UGT1A6: variants seen among roughly 807,000 people sequenced by gnomAD.
UGT1A6 encodes the protein UDP-glucuronosyltransferase 1A6.
A neutral mutation model predicts 44.4 loss-of-function variants in UGT1A6; 32 were observed. The observed-to-expected ratio is 0.72, with a 90% CI of 0.54 to 0.97. UGT1A6 has a LOEUF of 0.97. Ranked by LOEUF, UGT1A6 falls within the 50% of genes least tolerant of loss-of-function variation. The pLI, the probability that UGT1A6 is intolerant of heterozygous loss-of-function variation, is 0.00. For missense variants in UGT1A6, 685 were observed against 661.9 expected (o/e 1.03, Z -0.38); for synonymous variants, 238 against 248.5 (o/e 0.96, Z 0.40).
chr2:233,753,085 C>T (rs1365560580), intron 1 of UGT1A6: 1 of 152,188 alleles, frequency 6.6e-6, no homozygotes, highest in Non-Finnish European at 1.5e-5. Flanking sequence ...CCTTTTATTC[C>T]TGAACGGCTC....
intron 1 of UGT1A6, among the ~76,000 whole-genome samples, chr2:233,731,276 TTTTC>T (rs980011036): frequency 8.2e-5 from 12 of 146,468 alleles, no homozygotes; most frequent in African/African-American, 2.6e-4. Flanking sequence ...CCCTTCCAGT[TTTTC>T]TTTCTTTTTT....
At chr2:233,726,039 A>T (rs544093615) in intron 1 of UGT1A6, among the ~76,000 whole-genome samples, 9 of 152,100 alleles carry the variant, frequency 5.9e-5, no homozygotes, top group Admixed American at 1.3e-4. Flanking sequence ...GATGGCGCAC[A>T]CCTGTGGTCC....
At chr2:233,752,028 A>G (rs754794292) in intron 1 of UGT1A6, among the ~76,000 whole-genome samples, 5 of 152,356 alleles carry the variant, frequency 3.3e-5, no homozygotes, top group South Asian at 4.1e-4. Context: ...AGAAATTCCT[A>G]GAAAGGTAAG....
chr2:233,713,083 T>C, intron 1 of UGT1A6: 1 of 1,614,162 alleles, frequency 6.2e-7, no homozygotes, highest in Non-Finnish European at 8.5e-7. Context: ...AGTGGGAAGG[T>C]GCTGGTGGTG....
chr2:233,724,954 C>G lies in UGT1A6; in HGVS notation c.861+31089C>G, dbSNP rs544768388. ...GACTCCGTCTGCAATCCCGGCACCT[C>G]GGGAGGCCGAGGTTGGCGGATCACT... On this transcript the variant is annotated intron_variant, in intron 1 of 4. Coordinates refer to ENST00000305139, the MANE Select transcript of UGT1A6 (RefSeq NM_001072.4). 1.4e-5 allele frequency among the ~76,000 whole-genome samples: 2 copies of G among 143,932 alleles called. 1 individual carries two copies. Among genetic ancestry groups the G allele is most frequent in the East Asian group, 4.2e-4 (2 of 4,760 alleles). 94.4% of individuals were successfully genotyped at this position (143,932 alleles called of 152,430 possible).
intron 1 of UGT1A6, among the ~76,000 whole-genome samples, chr2:233,762,717 GTTT>G (rs34681509): frequency 7.1e-6 from 1 of 141,162 alleles, no homozygotes. Context: ...ATTTTACACG[GTTT>G]TTTTTTTTTG....
chr2:233,754,469 T>C (rs1695491558), intron 1 of UGT1A6: 1 of 357,106 alleles, frequency 2.8e-6, no homozygotes, highest in Non-Finnish European at 5.5e-6. Flanking sequence ...GTTCTGAAAG[T>C]AAAGTTCACT....
intron 1 of UGT1A6, chr2:233,713,262 C>T (rs776921440): frequency 1.6e-5 from 26 of 1,614,198 alleles, no homozygotes; most frequent in East Asian, 6.7e-5. Flanking sequence ...CGAATTTGAT[C>T]GCCTTTTGCT....
At chr2:233,717,660 C>T (rs1182595168) in intron 1 of UGT1A6, 1 of 409,710 alleles carries the variant, frequency 2.4e-6, no homozygotes, top group Non-Finnish European at 5.0e-6. Context: ...AAGGAAGCAT[C>T]AGCAATCTTG....
At chr2:233,708,251 T>C (rs1238096780) in intron 1 of UGT1A6, among the ~76,000 whole-genome samples, 1 of 152,210 alleles carries the variant, frequency 6.6e-6, no homozygotes, top group African/African-American at 2.4e-5. Flanking sequence ...GTGTACACTT[T>C]CCTTCATATC....
intron 1 of UGT1A6, chr2:233,748,062 A>T: frequency 6.2e-7 from 1 of 1,613,436 alleles, no homozygotes; most frequent in South Asian, 1.1e-5. Context: ...CTGTGCCAAC[A>T]GGAAGCCACT....
rs750440547 is a variant in UGT1A6, at chr2:233,743,766, C to T, written c.862-23268C>T. 28 of 1,367,250 alleles carry T rather than the reference C, an allele frequency of 2.0e-5. No homozygotes were observed. In the South Asian group the frequency reaches 2.2e-4, roughly 11 times the overall value. The allele number at this position is 1,367,250 out of a possible 1,614,324, so 84.7% of individuals were successfully genotyped here. Reference sequence around the variant, plus strand: ...GCGTCCGACAACACCTCGTAGGCCTCGGCCACCTGCTTGAATCTCCTCTCC... The same window carrying T: ...GCGTCCGACAACACCTCGTAGGCCTTGGCCACCTGCTTGAATCTCCTCTCC... On this transcript the variant is annotated intron_variant, in intron 1 of 4. Coordinates refer to ENST00000305139, the MANE Select transcript of UGT1A6 (RefSeq NM_001072.4).
chr2:233,714,839 T>A (rs2076415315), intron 1 of UGT1A6, among the ~76,000 whole-genome samples: 1 of 152,336 alleles, frequency 6.6e-6, no homozygotes, highest in East Asian at 1.9e-4. Flanking sequence ...GGTGAATGTT[T>A]ATAAATATTC....
chr2:233,719,024 C>T (rs2076714368), intron 1 of UGT1A6: 2 of 1,614,250 alleles, frequency 1.2e-6, no homozygotes, highest in Non-Finnish European at 8.5e-7. Context: ...TGAATATGCA[C>T]ATCAAAGAAG....
intron 1 of UGT1A6, among the ~76,000 whole-genome samples, chr2:233,711,778 T>G (rs1300616599): frequency 3.9e-5 from 6 of 152,154 alleles, no homozygotes; most frequent in Admixed American, 3.9e-4. Flanking sequence ...AGATAGAAAG[T>G]GTGCACAGCC....
chr2:233,713,105 C>T (rs1300950755), intron 1 of UGT1A6: 1 of 1,614,094 alleles, frequency 6.2e-7, no homozygotes, highest in African/African-American at 1.3e-5. Flanking sequence ...CCACTGATGG[C>T]AGCCACTGGC....
Position 233,693,048 on chromosome 2 carries a change from T to A in UGT1A6, c.44T>A (p.Val15Asp). 6.2e-7 allele frequency: 1 copy of A among 1,614,120 alleles called. No homozygotes were observed. Among genetic ancestry groups the A allele is most frequent in the South Asian group, 1.1e-5 (1 of 91,070 alleles). The change falls in exon 1 of 5, where the codon GTT becomes GAT. Residue 15 changes from valine to aspartate, a missense_variant. Val to Asp is a radical substitution (Grantham distance 152, BLOSUM62 -3). Coordinates refer to ENST00000305139, the MANE Select transcript of UGT1A6 (RefSeq NM_001072.4). The part of the protein sequence containing the change: ...LRSFQRISAG[V>D]FFLALWGMVV... ...TCATTTCAGAGAATTTCTGCAGGGG[T>A]TTTCTTCTTAGCACTTTGGGGCATG...
intron 1 of UGT1A6, among the ~76,000 whole-genome samples, chr2:233,720,088 T>A (rs2076829579): frequency 1.3e-5 from 2 of 152,140 alleles, no homozygotes; most frequent in South Asian, 4.1e-4. Context: ...ACATGATAAT[T>A]TTTAGTGGTC....
At chr2:233,731,284 C>CTTTTTTTTTTT (rs78127606) in intron 1 of UGT1A6, among the ~76,000 whole-genome samples, 1 of 139,762 alleles carries the variant, frequency 7.2e-6, no homozygotes. Flanking sequence ...GTTTTTCTTT[C>CTTTTTTTTTTT]TTTTTTTTTT....
Sources: gnomAD v4.1 joint callset for allele counts (sites outside exome capture counted in the v4.1 genomes callset) on GRCh38, gnomAD v4.1.1 for gene constraint, MANE v1.5 for transcripts, NCBI Gene and HGNC (gene_info 2026-07-23, HGNC 2026-07-21) for gene names.